MAP3K5: variants seen among roughly 807,000 people sequenced by gnomAD.
MAP3K5 encodes the protein ASK-1.
A neutral mutation model predicts 158.7 loss-of-function variants in MAP3K5; 56 were observed. The ratio of observed to expected loss-of-function variants is 0.35; its 90% CI spans 0.28 to 0.44. MAP3K5 has a LOEUF of 0.44. Among genes scored for constraint, MAP3K5 ranks in the 20% least tolerant of loss-of-function variants. The pLI is 1.00. For missense variants in MAP3K5, 1,294 were observed against 1,674.8 expected (o/e 0.77, Z 3.97); for synonymous variants, 579 against 601.7 (o/e 0.96, Z 0.55).
intron 3 of MAP3K5, among the ~76,000 whole-genome samples, chr6:136,701,072 A>G (rs1780834351): frequency 6.6e-6 from 1 of 152,210 alleles, no homozygotes; most frequent in African/African-American, 2.4e-5. Context: ...TTCATTTTAA[A>G]AGTGAGGAGA....
chr6:136,747,861 T>C (rs901300865), intron 1 of MAP3K5, among the ~76,000 whole-genome samples: 4 of 152,330 alleles, frequency 2.6e-5, no homozygotes, highest in Non-Finnish European at 5.9e-5. Flanking sequence ...AGCGGCCATA[T>C]TGTAAATCCA....
intron 2 of MAP3K5, among the ~76,000 whole-genome samples, chr6:136,714,691 C>T (rs1026019977): frequency 2.6e-5 from 4 of 152,096 alleles, no homozygotes; most frequent in African/African-American, 9.7e-5. Context: ...TCTTCAAGAT[C>T]CCGCTTTCAG....
rs778262650 is a variant in MAP3K5 at position 136,622,946 on chromosome 6, G to A, written c.2052C>T (p.Val684=). ...DYEYDENGDR[V]VLGKGTYGIV... ...TCCCATAAGTGCCTTTTCCTAAAAC[G>A]ACTCTGTCACCATTTTCATCATATT... Residue 684 remains valine, a synonymous_variant, in exon 15 of 30, where the codon GTC becomes GTT. Coordinates refer to ENST00000359015, the MANE Select transcript of MAP3K5 (RefSeq NM_005923.4). The A allele has an allele frequency of 5.0e-6, 8 of 1,613,606 alleles. No homozygotes were observed. The Admixed American group carries it at 6.7e-5, about 13-fold the overall frequency.
intron 21 of MAP3K5, among the ~76,000 whole-genome samples, chr6:136,595,742 C>T (rs972368018): frequency 9.9e-5 from 15 of 152,098 alleles, no homozygotes; most frequent in Non-Finnish European, 1.5e-4. Flanking sequence ...GGCGGCTGGG[C>T]GCGGTGGCTC....
In MAP3K5 at chr6:136,582,082, C is replaced by CA. The variant is rs530192608; in HGVS notation, c.3411+1472dup. Among the ~76,000 whole-genome samples, 1,163 of 140,272 alleles carry CA rather than the reference C, an allele frequency of 8.3e-3. 19 individuals carry two copies. The highest frequency in any genetic ancestry group is 0.026 in the African/African-American group (998 of 38,348). The allele number at this position is 140,272 out of a possible 152,430, so 92.0% of individuals were successfully genotyped here. A position where few individuals can be genotyped will look rare whatever the true frequency, so the allele number is the denominator to read the frequency against. On this transcript the variant is annotated intron_variant, in intron 24 of 29. Transcript: ENST00000359015. Reference sequence around the variant, plus strand: ...TAGCCAACAGAGGGAGACTCCATCTCAAAAAAAAAAAAATTTACATTCTTA... The same window carrying CA: ...TAGCCAACAGAGGGAGACTCCATCTCAAAAAAAAAAAAAATTTACATTCTTA...
rs774710429 is a variant in MAP3K5, at chr6:136,567,614, G to A, written c.3761+17C>T. 94 of 1,591,768 alleles carry A rather than the reference G, an allele frequency of 5.9e-5. No individual in the cohort carries two copies. The highest frequency in any genetic ancestry group is 1.7e-4 in the Admixed American group (10 of 57,224). On this transcript the variant is annotated intron_variant, in intron 26 of 29. Coordinates refer to ENST00000359015, the MANE Select transcript of MAP3K5 (RefSeq NM_005923.4). Reference sequence around the variant, plus strand: ...AGTAAAAGAAAAGAAACCAACCCACGTCAGTGTAGGACTTACCTATTGGTT... The same window carrying A: ...AGTAAAAGAAAAGAAACCAACCCACATCAGTGTAGGACTTACCTATTGGTT...
At chr6:136,716,995 T>C (rs1261141351) in intron 2 of MAP3K5, among the ~76,000 whole-genome samples, 2 of 151,490 alleles carry the variant, frequency 1.3e-5, no homozygotes, top group East Asian at 1.9e-4. Context: ...CCATCTCTAC[T>C]AAAAATATAA....
chr6:136,756,661 T>A (rs1380413159), intron 1 of MAP3K5, among the ~76,000 whole-genome samples: 1 of 152,104 alleles, frequency 6.6e-6, no homozygotes, highest in African/African-American at 2.4e-5. Flanking sequence ...CCCTTTACCC[T>A]CCTGTCAAGG....
Position 136,791,696 on chromosome 6 carries a change from G to A in MAP3K5, c.448+14C>T, listed in dbSNP as rs773271609. 2.5e-6 allele frequency: 4 copies of A among 1,612,646 alleles called. No homozygotes were observed. Among genetic ancestry groups the A allele is most frequent in the Non-Finnish European group, 3.4e-6 (4 of 1,179,692 alleles). Reference sequence around the variant, plus strand: ...TCCCGACCGCGCGGGATGGGAAAGGGGTCACACACGCACCTGCATTGTAAA... The same window carrying A: ...TCCCGACCGCGCGGGATGGGAAAGGAGTCACACACGCACCTGCATTGTAAA... On this transcript the variant is annotated intron_variant, in intron 1 of 29. Coordinates refer to ENST00000359015, the MANE Select transcript of MAP3K5 (RefSeq NM_005923.4).
intron 7 of MAP3K5, among the ~76,000 whole-genome samples, chr6:136,686,135 G>C (rs1274156605): frequency 6.6e-6 from 1 of 152,148 alleles, no homozygotes; most frequent in Non-Finnish European, 1.5e-5. Flanking sequence ...GGCAGGTTAT[G>C]GATAGGTCCT....
At chr6:136,578,044 T>C (rs898727676) in intron 25 of MAP3K5, among the ~76,000 whole-genome samples, 5 of 152,302 alleles carry the variant, frequency 3.3e-5, no homozygotes, top group Non-Finnish European at 5.9e-5. Flanking sequence ...TTAATTTAGG[T>C]TGCTACTGTG....
intron 8 of MAP3K5, among the ~76,000 whole-genome samples, chr6:136,660,844 A>C (rs1179904570): frequency 1.3e-5 from 2 of 152,202 alleles, no homozygotes; most frequent in Non-Finnish European, 2.9e-5. Flanking sequence ...GACTTACAGA[A>C]GTTTACTTGT....
intron 18 of MAP3K5, among the ~76,000 whole-genome samples, 173 bp from the exon 19 acceptor site, chr6:136,605,539 A>G (rs1776064853): frequency 6.6e-6 from 1 of 152,252 alleles, no homozygotes; most frequent in African/African-American, 2.4e-5. Flanking sequence ...AAGTGGAAAT[A>G]GCAGTTTTTA....
intron 24 of MAP3K5, among the ~76,000 whole-genome samples, chr6:136,580,811 T>C (rs1774838526): frequency 6.6e-6 from 1 of 152,068 alleles, no homozygotes; most frequent in Non-Finnish European, 1.5e-5. Flanking sequence ...TTCTTATTAT[T>C]ATTATTATTT....
rs1190522760 is a variant in MAP3K5, at chr6:136,557,611, CTG to C, written c.*145_*146del. On this transcript the variant is annotated 3_prime_UTR_variant, in exon 30 of 30. Coordinates refer to ENST00000359015, the MANE Select transcript of MAP3K5 (RefSeq NM_005923.4). ...GTTAGGAAATTTCAGTGTGTTTTGT[CTG>C]TTTTTTTTTTTTTTAACATGAGTAA... 3.5e-6 allele frequency: 2 copies of C among 564,062 alleles called. No individual in the cohort carries two copies. The highest frequency in any genetic ancestry group is 6.3e-6 in the Non-Finnish European group (2 of 319,896). The allele number at this position is 564,062 out of a possible 1,614,324, so 34.9% of individuals were successfully genotyped here.
chr6:136,569,684 A>C (rs1421118254), intron 25 of MAP3K5, among the ~76,000 whole-genome samples: 2 of 152,154 alleles, frequency 1.3e-5, no homozygotes, highest in African/African-American at 4.8e-5. Context: ...GCTATACCCC[A>C]ACTGCCCTGG....
At chr6:136,612,625 A>G (rs897127729) in intron 17 of MAP3K5, among the ~76,000 whole-genome samples, 7 of 152,214 alleles carry the variant, frequency 4.6e-5, no homozygotes, top group Admixed American at 4.6e-4. Flanking sequence ...TAAAGTTATT[A>G]TTTTAGCTTA....
At chr6:136,687,312 A>G (rs1780191278) in intron 7 of MAP3K5, among the ~76,000 whole-genome samples, 13 of 152,244 alleles carry the variant, frequency 8.5e-5, no homozygotes, top group Admixed American at 8.5e-4. Context: ...ACCTAACACC[A>G]TAAAAACCCT....
chr6:136,788,975 T>C (rs542381277), intron 1 of MAP3K5, among the ~76,000 whole-genome samples: 28 of 152,112 alleles, frequency 1.8e-4, no homozygotes, highest in Non-Finnish European at 3.2e-4. Context: ...CACTCATAAG[T>C]GGGAGCTAAA....
Sources: gnomAD v4.1 joint callset for allele counts (sites outside exome capture counted in the v4.1 genomes callset) on GRCh38, gnomAD v4.1.1 for gene constraint, MANE v1.5 for transcripts, NCBI Gene and HGNC (gene_info 2026-07-23, HGNC 2026-07-21) for gene names.